Variants in CDH13 observed in about 807,000 individuals in gnomAD.
The protein encoded by CDH13 is cadherin 13, also known as cadherin-13.
A neutral mutation model predicts 63.8 loss-of-function variants in CDH13; 24 were observed. The observed-to-expected ratio is 0.38, with a 90% CI of 0.27 to 0.53. The LOEUF (loss-of-function observed/expected upper bound fraction) is 0.53. CDH13 is among the 20% of genes least tolerant of loss of function. The pLI, the probability that CDH13 is intolerant of heterozygous loss-of-function variation, is 0.85. For synonymous variants in CDH13, 503 were observed against 355.3 expected (o/e 1.42, Z -4.67); for missense variants, 1,049 against 903.1 (o/e 1.16, Z -2.07).
chr16:82,732,006 T>C (rs2033429449), intron 1 of CDH13, among the ~76,000 whole-genome samples: 1 of 152,216 alleles, frequency 6.6e-6, no homozygotes, highest in Non-Finnish European at 1.5e-5. Flanking sequence ...TTCTTTGATC[T>C]GCAGCTTAAA....
At chr16:82,939,430 A>G in intron 2 of CDH13, among the ~76,000 whole-genome samples, 1 of 142,422 alleles carries the variant, frequency 7.0e-6, no homozygotes, top group Non-Finnish European at 1.5e-5. Context: ...CTCAAAAAAA[A>G]TTAAATAAAA....
intron 1 of CDH13, among the ~76,000 whole-genome samples, chr16:82,758,221 A>G (rs1010514972): frequency 6.6e-6 from 1 of 152,158 alleles, no homozygotes; most frequent in Non-Finnish European, 1.5e-5. Flanking sequence ...TCTTTGAGCT[A>G]TGAGAAAAAA....
At chr16:83,315,557 G>C (rs1480010290) in intron 5 of CDH13, among the ~76,000 whole-genome samples, 1 of 151,162 alleles carries the variant, frequency 6.6e-6, no homozygotes, top group East Asian at 2.0e-4. Context: ...TAGGCACATA[G>C]TTCATCACCA....
intron 1 of CDH13, among the ~76,000 whole-genome samples, chr16:82,714,638 G>T (rs992684472): frequency 1.4e-5 from 2 of 145,056 alleles, no homozygotes; most frequent in African/African-American, 5.1e-5. Context: ...GGCTTAAACT[G>T]GGCAGGTGCT....
At chr16:82,867,794 G>C (rs1240697004) in intron 2 of CDH13, among the ~76,000 whole-genome samples, 3 of 152,198 alleles carry the variant, frequency 2.0e-5, no homozygotes, top group African/African-American at 7.2e-5. Flanking sequence ...TTTTGACCCT[G>C]CTGAAAAGAT....
At chr16:83,012,664 C>G (rs748954847) in intron 2 of CDH13, among the ~76,000 whole-genome samples, 1 of 152,120 alleles carries the variant, frequency 6.6e-6, no homozygotes, top group Non-Finnish European at 1.5e-5. Flanking sequence ...CGAACTTGAT[C>G]TAAGCATGAT....
At chr16:83,245,451 C>A (rs1904894916) in intron 5 of CDH13, among the ~76,000 whole-genome samples, 1 of 152,222 alleles carries the variant, frequency 6.6e-6, no homozygotes, top group African/African-American at 2.4e-5. Context: ...ACTTTGATCA[C>A]AGAAGCTAAG....
chr16:82,816,178 C>T (rs1426489135), intron 1 of CDH13, among the ~76,000 whole-genome samples: 2 of 152,098 alleles, frequency 1.3e-5, no homozygotes, highest in Non-Finnish European at 2.9e-5. Context: ...ATACAAGGAG[C>T]CCCTCCTGGA....
At chr16:82,967,255 C>G (rs1396815097) in intron 2 of CDH13, among the ~76,000 whole-genome samples, 6 of 152,202 alleles carry the variant, frequency 3.9e-5, no homozygotes, top group Non-Finnish European at 8.8e-5. Flanking sequence ...ACAAACTCCC[C>G]TCTACCTCCA....
chr16:83,196,653 G>A (rs1054300803), intron 4 of CDH13, among the ~76,000 whole-genome samples: 1 of 152,100 alleles, frequency 6.6e-6, no homozygotes, highest in Non-Finnish European at 1.5e-5. Flanking sequence ...TTCAGCAAAG[G>A]GGATATGAGG....
chr16:82,840,052 G>C (rs2038940665), intron 1 of CDH13, among the ~76,000 whole-genome samples: 1 of 152,172 alleles, frequency 6.6e-6, no homozygotes, highest in African/African-American at 2.4e-5. Flanking sequence ...TTTCAGCTCA[G>C]ATGATTTTTT....
At chr16:83,010,783 G>A (rs6565101) in intron 2 of CDH13, among the ~76,000 whole-genome samples, 63,790 of 152,016 alleles carry the variant, frequency 0.42, 13,617 homozygotes, top group Non-Finnish European at 0.47. Context: ...AACATCCTGC[G>A]GGGACATCTA....
At chr16:83,262,902 T>A (rs1907159265) in intron 5 of CDH13, among the ~76,000 whole-genome samples, 1 of 152,232 alleles carries the variant, frequency 6.6e-6, no homozygotes, top group African/African-American at 2.4e-5. Flanking sequence ...TGTAAATTCA[T>A]TAGGCTTTAG....
chr16:82,969,222 T>A (rs1268947077), intron 2 of CDH13, among the ~76,000 whole-genome samples: 1 of 152,240 alleles, frequency 6.6e-6, no homozygotes, highest in Non-Finnish European at 1.5e-5. Context: ...CCAGGTAGGC[T>A]TTGTAGGTGA....
intron 8 of CDH13, among the ~76,000 whole-genome samples, chr16:83,658,311 C>T (rs1203808088): frequency 1.2e-4 from 10 of 86,486 alleles, no homozygotes; most frequent in Non-Finnish European, 2.2e-4. Context: ...CACCAGGTCC[C>T]GTATCCTCAC....
At position 83,127,734 on chromosome 16, in the gene CDH13, C is replaced by CAA. The variant is rs2035874724; in HGVS notation, c.483+2234_483+2235insAA. On this transcript the variant is annotated intron_variant, in intron 4 of 13. Transcript: ENST00000567109. ...AGGGTGAGACTCTGTGTCAAACAAA[C>CAA]ACACAAACAAAAAATCGATCTTTAT... 6.6e-5 allele frequency among the ~76,000 whole-genome samples: 10 copies of CAA among 152,128 alleles called. No homozygotes were observed. In the East Asian group the frequency reaches 9.7e-4, roughly 15 times the overall value.
chr16:83,362,596 TCATGTG>T (rs2151387361), intron 6 of CDH13, among the ~76,000 whole-genome samples: 2 of 152,318 alleles, frequency 1.3e-5, no homozygotes, highest in African/African-American at 4.8e-5. Context: ...TCTCCATGTT[TCATGTG>T]AGGACACAGA....
intron 3 of CDH13, among the ~76,000 whole-genome samples, chr16:83,073,009 T>G (rs2032550528): frequency 6.6e-6 from 1 of 152,186 alleles, no homozygotes; most frequent in African/African-American, 2.4e-5. Flanking sequence ...AAGAAACACT[T>G]TTCAAATGGT....
intron 8 of CDH13, among the ~76,000 whole-genome samples, chr16:83,661,849 A>G (rs1459223267): frequency 6.6e-6 from 1 of 152,206 alleles, no homozygotes; most frequent in Non-Finnish European, 1.5e-5. Flanking sequence ...TGAGGGGAAG[A>G]GGGAGCAATT....
Sources: gnomAD v4.1 joint callset for allele counts (sites outside exome capture counted in the v4.1 genomes callset) on GRCh38, gnomAD v4.1.1 for gene constraint, MANE v1.5 for transcripts, NCBI Gene and HGNC (gene_info 2026-07-23, HGNC 2026-07-21) for gene names.